The following ASIC2 variants were observed in gnomAD, a reference collection of about 807,000 sequenced individuals.
The protein encoded by ASIC2 is acid-sensing ion channel 2.
ASIC2 carries 25 observed loss-of-function variants against 57.3 expected under a neutral mutation model. The ratio of observed to expected loss-of-function variants is 0.44; its 90% confidence interval spans 0.32 to 0.61. The LOEUF is 0.61. ASIC2 is among the 20% of genes least tolerant of loss of function. The pLI is 0.06. For missense variants in ASIC2, 641 were observed against 738.1 expected (o/e 0.87, Z 1.52); for synonymous variants, 319 against 307.5 (o/e 1.04, Z -0.39).
At chr17:33,644,641 G>T (rs186215663) in intron 1 of ASIC2, among the ~76,000 whole-genome samples, 1 of 152,314 alleles carries the variant, frequency 6.6e-6, no homozygotes, top group Non-Finnish European at 1.5e-5. Context: ...TTAATGCATT[G>T]TATTGGGTTC....
chr17:33,330,260 G>A (rs1394689466), intron 1 of ASIC2, among the ~76,000 whole-genome samples: 3 of 152,104 alleles, frequency 2.0e-5, no homozygotes, highest in Admixed American at 1.3e-4. Flanking sequence ...TCTGCTTGGT[G>A]AGTCTACTGG....
At chr17:33,996,149 C>G (rs1285526133) in intron 1 of ASIC2, among the ~76,000 whole-genome samples, 2 of 151,698 alleles carry the variant, frequency 1.3e-5, no homozygotes, top group African/African-American at 4.8e-5. Flanking sequence ...TGTATGTATT[C>G]CTTTGAAAAA....
At chr17:33,327,526 A>G (rs1463312044) in intron 1 of ASIC2, among the ~76,000 whole-genome samples, 1 of 152,184 alleles carries the variant, frequency 6.6e-6, no homozygotes, top group African/African-American at 2.4e-5. Flanking sequence ...TCCACCTATC[A>G]TGTACTCTGC....
intron 1 of ASIC2, among the ~76,000 whole-genome samples, chr17:33,605,784 C>T (rs1038525572): frequency 5.3e-5 from 8 of 152,226 alleles, no homozygotes; most frequent in African/African-American, 1.4e-4. Flanking sequence ...GTCCTGCCTC[C>T]GGCCCCCAGC....
chr17:34,083,667 A>T (rs1909983235), intron 1 of ASIC2, among the ~76,000 whole-genome samples: 1 of 152,134 alleles, frequency 6.6e-6, no homozygotes, highest in Admixed American at 6.5e-5. Flanking sequence ...ATTTCTCCAC[A>T]TCCTCTCCAG....
intron 1 of ASIC2, among the ~76,000 whole-genome samples, chr17:34,067,705 G>T (rs1909222254): frequency 6.6e-6 from 1 of 152,172 alleles, no homozygotes; most frequent in Non-Finnish European, 1.5e-5. Flanking sequence ...CCACACAATA[G>T]AATATGCTAC....
rs114432294 is a variant in ASIC2 at position 33,576,835 on chromosome 17, T to C, written c.556-464768A>G. On this transcript the variant is annotated intron_variant, in intron 1 of 9. Coordinates refer to the ASIC2 transcript ENST00000359872. ...AACCAGGATCATACCGATTCCACCATTGTGATCCTGGGGAAAGGTATAGAA... is the reference window on the plus strand; with the variant it reads ...AACCAGGATCATACCGATTCCACCACTGTGATCCTGGGGAAAGGTATAGAA... Among the ~76,000 whole-genome samples the C allele has an allele frequency of 8.1e-3, 1,236 of 152,308 alleles. 11 individuals carry two copies. The highest frequency in any genetic ancestry group is 0.024 in the African/African-American group (978 of 41,568).
chr17:33,399,428 A>G (rs1302491217), intron 1 of ASIC2, among the ~76,000 whole-genome samples: 1 of 152,068 alleles, frequency 6.6e-6, no homozygotes, highest in Non-Finnish European at 1.5e-5. Context: ...CAGTGATTAC[A>G]TCCCCCTTCC....
intron 1 of ASIC2, among the ~76,000 whole-genome samples, chr17:33,342,566 G>T (rs1386470176): frequency 6.6e-6 from 1 of 152,088 alleles, no homozygotes; most frequent in African/African-American, 2.4e-5. Context: ...GACCATTCCT[G>T]GGGGAATCAC....
intron 1 of ASIC2, among the ~76,000 whole-genome samples, chr17:33,948,917 T>A (rs142320123): frequency 1.3e-5 from 2 of 152,326 alleles, no homozygotes; most frequent in African/African-American, 4.8e-5. Context: ...CTTTTAGGTA[T>A]GCAGGCCAAA....
At chr17:33,347,033 A>G (rs889803270) in intron 1 of ASIC2, among the ~76,000 whole-genome samples, 9 of 152,182 alleles carry the variant, frequency 5.9e-5, no homozygotes, top group Non-Finnish European at 1.2e-4. Context: ...CTTCATACAG[A>G]TGATTTGGAA....
intron 1 of ASIC2, among the ~76,000 whole-genome samples, chr17:33,251,264 A>T (rs912146130): frequency 1.3e-5 from 2 of 152,228 alleles, no homozygotes; most frequent in African/African-American, 4.8e-5. Context: ...GTTGTTGTTC[A>T]ATAGGGCAGG....
intron 1 of ASIC2, among the ~76,000 whole-genome samples, chr17:33,394,866 T>G (rs1003427978): frequency 1.1e-4 from 16 of 152,132 alleles, no homozygotes; most frequent in African/African-American, 3.9e-4. Context: ...CTACTCTCAT[T>G]GATCATACAT....
chr17:33,722,193 G>A (rs893109324), intron 1 of ASIC2, among the ~76,000 whole-genome samples: 6 of 152,102 alleles, frequency 3.9e-5, no homozygotes, highest in Admixed American at 1.3e-4. Flanking sequence ...TAAGTGTCAC[G>A]AGATCTCATG....
intron 1 of ASIC2, among the ~76,000 whole-genome samples, chr17:33,298,946 A>G (rs1370224673): frequency 1.3e-5 from 2 of 152,254 alleles, no homozygotes; most frequent in East Asian, 3.8e-4. Flanking sequence ...AAGAGGACAC[A>G]AACAAATGGA....
intron 1 of ASIC2, among the ~76,000 whole-genome samples, chr17:33,332,913 A>T (rs1907372515): frequency 6.6e-6 from 1 of 152,194 alleles, no homozygotes; most frequent in African/African-American, 2.4e-5. Context: ...ATAATAAAAA[A>T]ACAAAGTCTC....
chr17:33,086,426 A>G (rs748590711), intron 3 of ASIC2, among the ~76,000 whole-genome samples: 2 of 152,254 alleles, frequency 1.3e-5, no homozygotes, highest in African/African-American at 2.4e-5. Flanking sequence ...GCCATGGACA[A>G]CTAATTAACA....
chr17:34,011,971 T>A (rs73986806), intron 1 of ASIC2, among the ~76,000 whole-genome samples: 1 of 152,144 alleles, frequency 6.6e-6, no homozygotes, highest in Non-Finnish European at 1.5e-5. Context: ...GCATTTTCAC[T>A]CATGGTTCCT....
At chr17:33,286,911 C>T (rs774830397) in intron 1 of ASIC2, among the ~76,000 whole-genome samples, 73 of 152,012 alleles carry the variant, frequency 4.8e-4, no homozygotes, top group Non-Finnish European at 7.5e-4. Context: ...AGACATTGGT[C>T]GATTGAATGA....
Sources: allele counts gnomAD v4.1 joint callset (sites outside exome capture counted in the v4.1 genomes callset), GRCh38; gene constraint gnomAD v4.1.1; transcripts MANE v1.5; gene names NCBI Gene and HGNC (gene_info 2026-07-23, HGNC 2026-07-21).